POLE: variants seen among roughly 807,000 people sequenced by gnomAD.
POLE encodes the protein DNA polymerase epsilon, catalytic subunit.
POLE carries 188 observed loss-of-function variants against 279.2 expected under a neutral mutation model. The observed-to-expected ratio is 0.67, with a 90% CI of 0.60 to 0.76. POLE has a LOEUF of 0.76. Among genes scored for constraint, POLE ranks in the 30% least tolerant of loss-of-function variants. The pLI is 0.00. For missense variants in POLE, 2,703 were observed against 3,016.7 expected, an observed-to-expected ratio of 0.90 and a Z score of 2.44; for synonymous variants, 1,214 against 1,172.5, an observed-to-expected ratio of 1.04 and a Z score of -0.72.
chr12:132,625,865 G>T lies in POLE; in HGVS notation c.6532-95C>A, dbSNP rs553964285. On this transcript the variant is annotated intron_variant, in intron 46 of 48. Coordinates refer to ENST00000320574, the MANE Select transcript of POLE (RefSeq NM_006231.4). ...AGGAGAGGAAGGGGCTGTGAGAAGC[G>T]CCTGGTGACGGGCGAGTCTCCTGAG... 1.5e-5 allele frequency: 23 copies of T among 1,501,358 alleles called. No individual in the cohort carries two copies. The African/African-American group carries it at 2.2e-4, about 14-fold the overall frequency. The allele number at this position is 1,501,358 out of a possible 1,614,324, so 93.0% of individuals were successfully genotyped here.
intron 29 of POLE, chr12:132,650,202 C>A: frequency 3.1e-6 from 1 of 326,252 alleles, no homozygotes. Flanking sequence ...GAGACCTTGC[C>A]TCATAAAAAC....
Position 132,629,504 on chromosome 12 carries a change from T to G in POLE, c.6330+2811A>C, listed in dbSNP as rs1438555674. On this transcript the variant is annotated intron_variant, in intron 45 of 48. Transcript: ENST00000320574. ...AGCCTCTCCACCCGCACCTGTTGCC[T>G]CATTTGCCCTTTTATGTTACTGGGA... Among the ~76,000 whole-genome samples the G allele has an allele frequency of 2.0e-5, 3 of 152,182 alleles. No individual in the cohort carries two copies. The East Asian group carries it at 5.8e-4, about 29-fold the overall frequency.
Position 132,672,805 on chromosome 12 carries a change from G to T in POLE, c.1508C>A (p.Ala503Asp), listed in dbSNP as rs1565971932. 1 of 1,614,198 alleles carries T rather than the reference G, an allele frequency of 6.2e-7. No individual in the cohort carries two copies. The highest frequency in any genetic ancestry group is 2.2e-5 in the East Asian group (1 of 44,890). The change falls in exon 15 of 49, where the codon GCC becomes GAC. Residue 503 changes from alanine to aspartate, a missense_variant. Ala to Asp is a moderately radical substitution (Grantham distance 126). Around this residue, in one of 5 missense-constraint regions of POLE, gnomAD observed 1,011 missense variants for 1,111.7 expected, o/e 0.91. Coordinates refer to ENST00000320574, the MANE Select transcript of POLE (RefSeq NM_006231.4). Reference sequence around the variant, plus strand: ...GTGGAAGGCCTGCACCATCAGCAAGGCCTCACACAGAGTGCCAGAGCCCTT... The same window carrying T: ...GTGGAAGGCCTGCACCATCAGCAAGTCCTCACACAGAGTGCCAGAGCCCTT... ...LRKGSGTLCE[A>D]LLMVQAFHAN...
intron 41 of POLE, 48 bp downstream of exon 41, chr12:132,637,966 T>A (rs2138499016): frequency 6.2e-7 from 1 of 1,600,988 alleles, no homozygotes. Flanking sequence ...CATTTTAGCA[T>A]CCCTCTCAAA....
chr12:132,669,470 A>G lies in POLE; in HGVS notation c.1795-531T>C, dbSNP rs79384122. Among the ~76,000 whole-genome samples the G allele has an allele frequency of 2.0e-3, 310 of 152,246 alleles. 2 individuals carry two copies. The highest frequency in any genetic ancestry group is 7.4e-3 in the African/African-American group (306 of 41,542). ...CAGAGCCAGATCCTGTTTCAGAAAA[A>G]AAAAAAGAAAAAGAAAAATCCTTAA... is the stretch of plus-strand genomic sequence containing the variant. On this transcript the variant is annotated intron_variant, in intron 16 of 48. Coordinates refer to ENST00000320574, the MANE Select transcript of POLE (RefSeq NM_006231.4).
intron 46 of POLE, 58 bp from the exon 47 acceptor site, chr12:132,625,828 G>T: frequency 6.3e-7 from 1 of 1,583,718 alleles, no homozygotes; most frequent in South Asian, 1.1e-5. Context: ...ACAGTGCCAT[G>T]GGCAGGATCT....
chr12:132,658,872 T>C (rs1381148708), intron 26 of POLE, among the ~76,000 whole-genome samples: 2 of 62,272 alleles, frequency 3.2e-5, no homozygotes, highest in South Asian at 9.9e-4. Context: ...CCTATTTGTA[T>C]ATAACCACCA....
intron 41 of POLE, among the ~76,000 whole-genome samples, chr12:132,636,582 CCT>C (rs975810580): frequency 2.6e-5 from 4 of 151,870 alleles, no homozygotes; most frequent in African/African-American, 4.8e-5. Flanking sequence ...GTGGCAAAAC[CCT>C]GTCTCTACAA....
intron 32 of POLE, among the ~76,000 whole-genome samples, chr12:132,648,294 A>G (rs1315943468): frequency 6.7e-6 from 1 of 150,192 alleles, no homozygotes; most frequent in Non-Finnish European, 1.5e-5. Flanking sequence ...GTGACAGGTA[A>G]GGGATGCCAG....
At chr12:132,651,619 C>T (rs971712715) in intron 29 of POLE, among the ~76,000 whole-genome samples, 8 of 152,248 alleles carry the variant, frequency 5.3e-5, no homozygotes, top group African/African-American at 1.9e-4. Context: ...TGTGTGACTC[C>T]TTCCCTGAGT....
rs5744748 is a variant in POLE, at chr12:132,677,943, C to G, written c.579-224G>C. ...CTGTAATCCCAGCACTTTGGGAGGC[C>G]AAGGAAGGCGGATCACCCGAGGTCA... On this transcript the variant is annotated intron_variant, in intron 6 of 48. Coordinates refer to ENST00000320574, the MANE Select transcript of POLE (RefSeq NM_006231.4). 0.056 allele frequency among the ~76,000 whole-genome samples: 8,551 copies of G among 151,894 alleles called. 328 individuals are homozygous for G. The highest frequency in any genetic ancestry group is 0.082 in the Non-Finnish European group (5,580 of 67,938).
Position 132,664,065 on chromosome 12 carries a change from T to C in POLE, c.2645A>G (p.Asn882Ser), listed in dbSNP as rs539312991. Residue 882 changes from asparagine to serine, a missense_variant, in exon 23 of 49, where the codon AAT becomes AGT. Coordinates refer to ENST00000320574, the MANE Select transcript of POLE (RefSeq NM_006231.4). The surrounding 1 kb of genome is among the most constrained non-coding windows in gnomAD (Gnocchi z 5.3). ...FPENFVFKTT[N>S]VKKPKVTISY... ...GATGGTCACTTTGGGCTTCTTCACA[T>C]TGGTCGTCTTGAAGACAAAATTTTC... 85 of 1,614,100 alleles carry C rather than the reference T, an allele frequency of 5.3e-5. No individual in the cohort carries two copies. The Middle Eastern group carries it at 6.6e-4, about 12-fold the overall frequency.
intron 43 of POLE, chr12:132,633,843 C>G: frequency 4.7e-6 from 1 of 212,132 alleles, no homozygotes; most frequent in Non-Finnish European, 9.3e-6. Context: ...TGCACACACA[C>G]AAATGTTCCC....
rs765816578 is a variant in POLE at position 132,668,801 on chromosome 12, A to C, written c.1923+10T>G. On this transcript the variant is annotated intron_variant, in intron 17 of 48. Transcript: ENST00000320574. The surrounding 1 kb of genome is among the most constrained non-coding windows in gnomAD (Gnocchi z 4.0). ...GAGCTCCGACTCTGACACGGGAAGT[A>C]AAGTCTCACCTGCAGGCGGTTGGTC... 2 of 1,614,048 alleles carry C rather than the reference A, an allele frequency of 1.2e-6. No individual in the cohort carries two copies. The highest frequency in any genetic ancestry group is 1.7e-6 in the Non-Finnish European group (2 of 1,179,894).
At chr12:132,654,270 G>A (rs563455771) in intron 29 of POLE, among the ~76,000 whole-genome samples, 9 of 149,774 alleles carry the variant, frequency 6.0e-5, no homozygotes, top group African/African-American at 2.2e-4. Context: ...ACGGGGTCTC[G>A]CTATATTGCC....
chr12:132,681,329 C>T (rs2136035446), intron 1 of POLE, 50 bp from the exon 2 acceptor site: 1 of 1,575,860 alleles, frequency 6.3e-7, no homozygotes, highest in Non-Finnish European at 8.6e-7. Flanking sequence ...CCACCTGCTG[C>T]TGCTTCTTTT....
rs779005137 is a variant in POLE at position 132,661,670 on chromosome 12, A to G, written c.2721T>C (p.Asn907=). 9.9e-6 allele frequency: 16 copies of G among 1,613,898 alleles called. No homozygotes were observed. The highest frequency in any genetic ancestry group is 1.4e-5 in the Non-Finnish European group (16 of 1,179,970). The change falls in exon 24 of 49, where the codon AAT becomes AAC. Residue 907 remains asparagine (N), a synonymous_variant. Transcript: ENST00000320574. This position sits in a 1 kb window ranked among gnomAD's most constrained non-coding sequence, Gnocchi z 4.1. ...GCTCAGCCAGCTCCTGGTACTGGTC[A>G]TTGGTGAAGCCTTCCTGAGAAACAA... ...LNIMVKEGFT[N]DQYQELAEPS...
intron 15 of POLE, 131 bp from the exon 16 acceptor site, chr12:132,672,453 T>G: frequency 1.0e-6 from 1 of 1,001,118 alleles, no homozygotes; most frequent in Non-Finnish European, 1.5e-6. Flanking sequence ...GTGCACAATC[T>G]GCAGTGCACT....
In POLE at chr12:132,657,393, T is replaced by A; in HGVS notation, c.3415A>T (p.Ser1139Cys). 3.7e-6 allele frequency: 6 copies of A among 1,614,080 alleles called. No individual in the cohort carries two copies. Among genetic ancestry groups the A allele is most frequent in the Non-Finnish European group, 5.1e-6 (6 of 1,180,002 alleles). ...ATGGTGATGATCTTCTGGATGGCGC[T>A]TCCCAGCCGCTCAATGTAGTAGTCC... ...DWDYYIERLG[S>C]AIQKIITIPA... The change falls in exon 28 of 49, where the codon AGC becomes TGC. Residue 1139 changes from serine (S) to cysteine (C), a missense_variant. Physicochemically the swap from Ser to Cys is moderately radical, Grantham distance 112. Around this residue, in one of 5 missense-constraint regions of POLE, gnomAD observed 1,551 missense variants for 1,686.1 expected, o/e 0.92. Transcript: ENST00000320574.
Sources: allele counts gnomAD v4.1 joint callset (sites outside exome capture counted in the v4.1 genomes callset), GRCh38; gene constraint gnomAD v4.1.1; regional missense constraint gnomAD v4.1.1; non-coding constraint Gnocchi (gnomAD v3.1); transcripts MANE v1.5; gene names NCBI Gene and HGNC (gene_info 2026-07-23, HGNC 2026-07-21).